NHSL2: variants seen among roughly 807,000 people sequenced by gnomAD.
The protein encoded by NHSL2 is NHS-like protein 2.
Under a neutral mutation model 53.4 loss-of-function variants are expected in NHSL2, and 27 were observed. The observed-to-expected ratio is 0.51, with a 90% CI of 0.37 to 0.70. NHSL2 has a LOEUF of 0.70. NHSL2 is among the 30% of genes least tolerant of loss of function. NHSL2 has a pLI of 0.00. For synonymous variants in NHSL2, 408 were observed against 404.1 expected (o/e 1.01, Z -0.12); for missense variants, 892 against 980.1 (o/e 0.91, Z 1.20).
intron 1 of NHSL2, among the ~76,000 whole-genome samples, chrX:72,081,168 G>A (rs1032057417): frequency 8.9e-6 from 1 of 112,385 alleles, no homozygotes; most frequent in African/African-American, 3.2e-5. Flanking sequence ...GTCCCATGAG[G>A]ACCACGTGCT....
In NHSL2 at chrX:71,972,318, A is replaced by C. The variant is rs187919919; in HGVS notation, c.280+60951A>C. On this transcript the variant is annotated intron_variant, in intron 1 of 7. Transcript: ENST00000633930. Reference sequence around the variant, plus strand: ...CCAAAGTGCTGGGATTAAAGGCATGAGCCACCGCGCCCGGCCTATTTTGCT... The same window carrying C: ...CCAAAGTGCTGGGATTAAAGGCATGCGCCACCGCGCCCGGCCTATTTTGCT... Among the ~76,000 whole-genome samples, 54 of 112,145 alleles carry C rather than the reference A, an allele frequency of 4.8e-4. 1 individual carries two copies. The East Asian group carries it at 0.012, about 25-fold the overall frequency.
intron 4 of NHSL2, among the ~76,000 whole-genome samples, chrX:72,135,175 C>G (rs2042345685): frequency 9.0e-6 from 1 of 111,646 alleles, no homozygotes; most frequent in Non-Finnish European, 1.9e-5. Flanking sequence ...CCTGGTAGCA[C>G]TTTCACTGGA....
At chrX:72,031,742 A>G (rs978179234) in intron 1 of NHSL2, among the ~76,000 whole-genome samples, 1 of 111,172 alleles carries the variant, frequency 9.0e-6, no homozygotes, top group African/African-American at 3.3e-5. Context: ...CTTGGAAAAA[A>G]AAAAAAAAAA....
At chrX:72,042,552 C>T (rs1287244416) in intron 1 of NHSL2, among the ~76,000 whole-genome samples, 1 of 111,258 alleles carries the variant, frequency 9.0e-6, no homozygotes, top group Non-Finnish European at 1.9e-5. Flanking sequence ...CCTAGCTCCC[C>T]ACTCTTTTTC....
At chrX:72,028,770 A>G (rs1345614943) in intron 1 of NHSL2, among the ~76,000 whole-genome samples, 1 of 112,582 alleles carries the variant, frequency 8.9e-6, no homozygotes, top group Non-Finnish European at 1.9e-5. Flanking sequence ...AGGTCAGGAA[A>G]CAACAGGGAT....
intron 1 of NHSL2, among the ~76,000 whole-genome samples, chrX:71,937,803 G>A (rs960606058): frequency 3.6e-5 from 4 of 111,934 alleles, no homozygotes; most frequent in Non-Finnish European, 1.9e-5. Context: ...GACAACAAAG[G>A]TTTATTCTTT....
At chrX:72,126,624 T>C (rs1301229313) in intron 1 of NHSL2, among the ~76,000 whole-genome samples, 1 of 110,590 alleles carries the variant, frequency 9.0e-6, no homozygotes, top group Non-Finnish European at 1.9e-5. Context: ...AATCCCAGAA[T>C]GGGATTCAGT....
chrX:72,077,770 C>T (rs963506306), intron 1 of NHSL2, among the ~76,000 whole-genome samples: 1 of 112,664 alleles, frequency 8.9e-6, no homozygotes, highest in Non-Finnish European at 1.9e-5. Flanking sequence ...GGATGACAAA[C>T]TCAGGTATGT....
intron 1 of NHSL2, among the ~76,000 whole-genome samples, chrX:71,954,240 A>G (rs982226581): frequency 8.9e-6 from 1 of 111,912 alleles, no homozygotes; most frequent in Admixed American, 9.5e-5. Flanking sequence ...TTCTCAAACC[A>G]GCCCAGTAGG....
chrX:71,927,650 A>G (rs1272487272), intron 1 of NHSL2, among the ~76,000 whole-genome samples: 1 of 110,432 alleles, frequency 9.1e-6, no homozygotes. Flanking sequence ...TCCGCCTGCT[A>G]GGTTCAAGCG....
intron 1 of NHSL2, among the ~76,000 whole-genome samples, chrX:72,070,029 G>T: frequency 8.9e-6 from 1 of 112,381 alleles, no homozygotes; most frequent in Non-Finnish European, 1.9e-5. Context: ...GAAGTGAGCA[G>T]CGTGCCAGTG....
At chrX:72,066,241 C>T (rs1013002154) in intron 1 of NHSL2, among the ~76,000 whole-genome samples, 3 of 111,407 alleles carry the variant, frequency 2.7e-5, no homozygotes, top group Non-Finnish European at 5.7e-5. Context: ...ATTTACAGGA[C>T]TCAGTGAATG....
intron 1 of NHSL2, among the ~76,000 whole-genome samples, chrX:72,109,924 T>C (rs1397612762): frequency 8.9e-6 from 1 of 112,021 alleles, no homozygotes; most frequent in African/African-American, 3.3e-5. Context: ...TTCATTCTTA[T>C]TTATTAAAAA....
intron 4 of NHSL2, among the ~76,000 whole-genome samples, chrX:72,135,626 T>C (rs977204595): frequency 2.2e-4 from 25 of 112,182 alleles, no homozygotes; most frequent in African/African-American, 7.5e-4. Flanking sequence ...GTCACTGGCA[T>C]CATTTCAGAA....
At chrX:72,093,745 T>G (rs774537197) in intron 1 of NHSL2, among the ~76,000 whole-genome samples, 123 of 100,150 alleles carry the variant, frequency 1.2e-3, no homozygotes, top group Middle Eastern at 4.8e-3. Context: ...TTTCTTTCTT[T>G]CTTTCTTTCT....
In NHSL2 at chrX:72,153,245, C is replaced by T. The variant is rs757257619; in HGVS notation, c.*9671C>T. 1 of 112,140 alleles carries T rather than the reference C, an allele frequency of 8.9e-6. No homozygotes were observed. The highest frequency in any genetic ancestry group is 1.9e-5 in the Non-Finnish European group (1 of 53,250). 9.2% of individuals were successfully genotyped at this position (112,140 alleles called of 1,213,427 possible). On this transcript the variant is annotated 3_prime_UTR_variant, in exon 8 of 8. Coordinates refer to ENST00000633930, the MANE Select transcript of NHSL2 (RefSeq NM_001013627.3). Reference sequence around the variant, plus strand: ...AACTGTATTCTTTATATAGCTAGAGCTGTTTGTGTCTTCTTAAAATAAACT... The same window carrying T: ...AACTGTATTCTTTATATAGCTAGAGTTGTTTGTGTCTTCTTAAAATAAACT...
At chrX:72,017,676 A>G (rs1262378996) in intron 1 of NHSL2, among the ~76,000 whole-genome samples, 21 of 112,342 alleles carry the variant, frequency 1.9e-4, no homozygotes. Context: ...TCCCCCTACA[A>G]GGTCATGGTC....
chrX:72,020,237 T>TACAC (rs987307379), intron 1 of NHSL2, among the ~76,000 whole-genome samples: 3 of 111,513 alleles, frequency 2.7e-5, no homozygotes, highest in Admixed American at 9.4e-5. Context: ...TTCATTAAAA[T>TACAC]ACACACACAC....
chrX:71,933,259 CTACTGT>C (rs2041722294), intron 1 of NHSL2, among the ~76,000 whole-genome samples: 1 of 112,069 alleles, frequency 8.9e-6, no homozygotes, highest in South Asian at 3.7e-4. Context: ...TCCTTTTTCT[CTACTGT>C]TAGAGACAAG....
Sources: gnomAD v4.1 joint callset for allele counts (sites outside exome capture counted in the v4.1 genomes callset) on GRCh38, gnomAD v4.1.1 for gene constraint, MANE v1.5 for transcripts, NCBI Gene and HGNC (gene_info 2026-07-23, HGNC 2026-07-21) for gene names.